The following NTRK3 variants were observed in gnomAD, a reference collection of about 807,000 sequenced individuals.
NTRK3 encodes neurotrophic receptor tyrosine kinase 3, also known as NT-3 growth factor receptor.
A neutral mutation model predicts 91.7 loss-of-function variants in NTRK3; 24 were observed. The ratio of observed to expected loss-of-function variants is 0.26; its 90% CI spans 0.19 to 0.37. The LOEUF (loss-of-function observed/expected upper bound fraction) is 0.37, where lower values mean the gene tolerates loss of function less well. Ranked by LOEUF, NTRK3 falls within the 10% of genes least tolerant of loss-of-function variation. NTRK3 has a pLI of 1.00. For missense variants in NTRK3, 880 were observed against 1,068.9 expected, an observed-to-expected ratio of 0.82 and a Z score of 2.46; for synonymous variants, 483 against 404.0, an observed-to-expected ratio of 1.20 and a Z score of -2.34.
intron 14 of NTRK3, among the ~76,000 whole-genome samples, chr15:88,015,492 C>T (rs2077171231): frequency 6.6e-6 from 1 of 152,142 alleles, no homozygotes; most frequent in Non-Finnish European, 1.5e-5. Flanking sequence ...CCGCAGCGTC[C>T]TAGCTCAAAC....
chr15:88,196,824 C>A (rs921688623), intron 3 of NTRK3, among the ~76,000 whole-genome samples: 13 of 152,278 alleles, frequency 8.5e-5, no homozygotes, highest in African/African-American at 3.1e-4. Context: ...GATTCTAGTT[C>A]TACAGCTCTA....
Position 88,088,930 on chromosome 15 carries a change from A to G in NTRK3, c.1396+37341T>C, listed in dbSNP as rs560680116. On this transcript the variant is annotated intron_variant, in intron 13 of 18. Transcript: ENST00000394480. ...GGTATAAAATGGAACTAAAAATATT[A>G]CTGCTCTTAGGTTCCTCTGAGGGTC... is the stretch of plus-strand genomic sequence containing the variant. Among the ~76,000 whole-genome samples, 4 of 152,234 alleles carry G rather than the reference A, an allele frequency of 2.6e-5. No individual in the cohort carries two copies. The South Asian group carries it at 8.3e-4, about 32-fold the overall frequency.
intron 5 of NTRK3, among the ~76,000 whole-genome samples, chr15:88,158,629 C>A (rs1441667125): frequency 6.6e-6 from 1 of 152,284 alleles, no homozygotes; most frequent in South Asian, 2.1e-4. Context: ...AACTATTCTG[C>A]GGGGTGGGTG....
chr15:87,873,728 G>A (rs192595707), exon 19 of NTRK3: 87 of 231,460 alleles, frequency 3.8e-4, no homozygotes, highest in Non-Finnish European at 5.0e-4. Flanking sequence ...TAAATGGACC[G>A]TCGACAGTGC....
intron 10 of NTRK3, 59 bp from the exon 11 acceptor site, chr15:88,128,793 C>G: frequency 6.9e-7 from 1 of 1,449,492 alleles, no homozygotes; most frequent in East Asian, 2.3e-5. Context: ...AACAGACACA[C>G]TACTTGGTCC....
intron 3 of NTRK3, among the ~76,000 whole-genome samples, chr15:88,226,595 C>G (rs1351465248): frequency 6.6e-6 from 1 of 152,224 alleles, no homozygotes; most frequent in Non-Finnish European, 1.5e-5. Flanking sequence ...GTCCTCAGGC[C>G]CCCACTGCCC....
At chr15:88,164,337 A>G (rs2044735671) in intron 5 of NTRK3, among the ~76,000 whole-genome samples, 1 of 152,202 alleles carries the variant, frequency 6.6e-6, no homozygotes. Context: ...GGATAAGTCA[A>G]AGAGTATTTG....
intron 13 of NTRK3, among the ~76,000 whole-genome samples, chr15:88,069,976 G>C (rs2142685876): frequency 6.6e-6 from 1 of 152,210 alleles, no homozygotes; most frequent in South Asian, 2.1e-4. Flanking sequence ...CACAGGAAGG[G>C]ATACACTTGT....
chr15:88,071,195 C>T (rs2047061573), intron 13 of NTRK3, among the ~76,000 whole-genome samples: 1 of 152,226 alleles, frequency 6.6e-6, no homozygotes, highest in African/African-American at 2.4e-5. Flanking sequence ...TACCTCCTTG[C>T]ACCTGAGGCC....
At chr15:87,910,032 A>G (rs532337376) in intron 17 of NTRK3, among the ~76,000 whole-genome samples, 1 of 152,332 alleles carries the variant, frequency 6.6e-6, no homozygotes, top group East Asian at 1.9e-4. Flanking sequence ...GGAAATAAGC[A>G]ACTGGCGCTG....
intron 5 of NTRK3, among the ~76,000 whole-genome samples, chr15:88,182,444 G>A (rs575651678): frequency 1.4e-4 from 21 of 152,142 alleles, no homozygotes; most frequent in South Asian, 8.3e-4. Context: ...GCTGCCCTCC[G>A]TTACCAAATG....
chr15:88,041,593 C>A (rs1185192370), intron 13 of NTRK3, among the ~76,000 whole-genome samples: 2 of 152,116 alleles, frequency 1.3e-5, no homozygotes, highest in African/African-American at 4.8e-5. Flanking sequence ...GAAACAGAAC[C>A]CCACTCAGCC....
At position 88,128,751 on chromosome 15, in the gene NTRK3, A is replaced by G. The variant is rs141241630; in HGVS notation, c.1205-17T>C. ...CCGTGCTCTCTGCAAAAAAAGGACAAAGAGATAATTAACAAATTTAATAAA... is the reference window on the plus strand; with the variant it reads ...CCGTGCTCTCTGCAAAAAAAGGACAGAGAGATAATTAACAAATTTAATAAA... On this transcript the variant is annotated splice_polypyrimidine_tract_variant and intron_variant, in intron 10 of 18. Transcript: ENST00000394480. The G allele has an allele frequency of 1.9e-3, 3,057 of 1,612,878 alleles. 8 individuals carry two copies. The highest frequency in any genetic ancestry group is 2.2e-3 in the Non-Finnish European group (2,626 of 1,178,880).
At chr15:88,151,999 C>T (rs1567536698) in intron 5 of NTRK3, among the ~76,000 whole-genome samples, 1 of 152,104 alleles carries the variant, frequency 6.6e-6, no homozygotes, top group African/African-American at 2.4e-5. Flanking sequence ...CTTCAAAATT[C>T]GTTTTTAAAA....
Position 88,110,614 on chromosome 15 carries a change from T to C in NTRK3, c.1396+15657A>G, listed in dbSNP as rs151249016. On this transcript the variant is annotated intron_variant, in intron 13 of 18. Coordinates refer to ENST00000394480, the Ensembl canonical transcript of NTRK3. ...GTACTGCAGTGAGCAAACACAACAG[T>C]CTACTTGGAGAGGCAAAGCACTAAT... Among the ~76,000 whole-genome samples the C allele has an allele frequency of 2.2e-4, 34 of 152,234 alleles. No homozygotes were observed. In the East Asian group the frequency reaches 5.8e-3, roughly 26 times the overall value.
At chr15:88,082,520 T>C (rs1296891610) in intron 13 of NTRK3, among the ~76,000 whole-genome samples, 1 of 152,170 alleles carries the variant, frequency 6.6e-6, no homozygotes, top group Non-Finnish European at 1.5e-5. Flanking sequence ...TCTCACCCAA[T>C]CATTATCAGA....
At chr15:87,997,727 C>T (rs757181302) in intron 14 of NTRK3, among the ~76,000 whole-genome samples, 2 of 152,110 alleles carry the variant, frequency 1.3e-5, no homozygotes, top group Admixed American at 6.5e-5. Context: ...ACGTTTCTTA[C>T]GTAAGAAACC....
chr15:87,898,823 T>TG (rs1555432258), intron 17 of NTRK3, among the ~76,000 whole-genome samples: 2 of 103,986 alleles, frequency 1.9e-5, no homozygotes, highest in Non-Finnish European at 3.7e-5. Flanking sequence ...CTGTCTCTAC[T>TG]AAAAAAAAAA....
At chr15:88,176,598 C>CT (rs2046020801) in intron 5 of NTRK3, among the ~76,000 whole-genome samples, 1 of 152,224 alleles carries the variant, frequency 6.6e-6, no homozygotes, top group Non-Finnish European at 1.5e-5. Flanking sequence ...TGGCTCAGCT[C>CT]TTACCCATGG....
Sources: gnomAD v4.1 joint callset for allele counts (sites outside exome capture counted in the v4.1 genomes callset) on GRCh38, gnomAD v4.1.1 for gene constraint, MANE v1.5 for transcripts, NCBI Gene and HGNC (gene_info 2026-07-23, HGNC 2026-07-21) for gene names.